Variants in ADAMTSL1 observed in about 807,000 individuals in gnomAD.
ADAMTSL1 encodes ADAMTS like 1, also known as ADAMTS-like protein 1.
Under a neutral mutation model 201.8 loss-of-function variants are expected in ADAMTSL1, and 126 were observed. That is an observed-to-expected ratio of 0.62 (90% CI 0.54 to 0.72). The LOEUF (loss-of-function observed/expected upper bound fraction) is 0.72. ADAMTSL1 is among the 30% of genes least tolerant of loss of function. The probability of loss-of-function intolerance (pLI) is 0.00; values close to 1 mark genes in which losing one functional copy is unlikely to be tolerated. For missense variants in ADAMTSL1, 2,679 were observed against 2,277.8 expected, an observed-to-expected ratio of 1.18 and a Z score of -3.59; for synonymous variants, 1,121 against 903.4, an observed-to-expected ratio of 1.24 and a Z score of -4.32.
chr9:18,484,701 G>A (rs1379104005), intron 1 of ADAMTSL1, among the ~76,000 whole-genome samples: 1 of 152,158 alleles, frequency 6.6e-6, no homozygotes, highest in African/African-American at 2.4e-5. Flanking sequence ...TCAGTTTGCT[G>A]GTGCTGGGAC....
chr9:18,319,526 A>G (rs889589778), intron 2 of ADAMTSL1, among the ~76,000 whole-genome samples: 12 of 152,202 alleles, frequency 7.9e-5, no homozygotes, highest in African/African-American at 2.9e-4. Flanking sequence ...GACTCTCCCT[A>G]GATAACTACG....
intron 2 of ADAMTSL1, among the ~76,000 whole-genome samples, chr9:18,187,504 T>C (rs531032885): frequency 2.0e-5 from 3 of 152,114 alleles, no homozygotes; most frequent in Non-Finnish European, 2.9e-5. Context: ...GTAATGTGTA[T>C]AATGTGGTCC....
intron 1 of ADAMTSL1, among the ~76,000 whole-genome samples, chr9:17,935,809 C>G (rs1563905895): frequency 6.6e-6 from 1 of 152,200 alleles, no homozygotes; most frequent in Non-Finnish European, 1.5e-5. Context: ...GTCTCAACTT[C>G]TGCTTTTATC....
chr9:18,760,452 T>G (rs1248225588), intron 16 of ADAMTSL1, among the ~76,000 whole-genome samples: 1 of 152,188 alleles, frequency 6.6e-6, no homozygotes, highest in Non-Finnish European at 1.5e-5. Context: ...AAATATGCAC[T>G]GAGAACCCCT....
At chr9:18,162,410 A>C (rs916859944) in intron 1 of ADAMTSL1, among the ~76,000 whole-genome samples, 8 of 152,114 alleles carry the variant, frequency 5.3e-5, no homozygotes, top group African/African-American at 1.9e-4. Flanking sequence ...ACATCTGCAA[A>C]GTCCTTTTGG....
chr9:18,030,474 C>A (rs567463293), intron 1 of ADAMTSL1, among the ~76,000 whole-genome samples: 107 of 152,114 alleles, frequency 7.0e-4, no homozygotes, highest in African/African-American at 2.4e-3. Flanking sequence ...ATGGGTGCAG[C>A]ACACCAGCAT....
At chr9:17,908,446 C>T (rs72695907) in intron 1 of ADAMTSL1, among the ~76,000 whole-genome samples, 3,194 of 152,032 alleles carry the variant, frequency 0.021, 59 homozygotes, top group Non-Finnish European at 0.035. Flanking sequence ...CAAAAATGAC[C>T]TGCCTTAATG....
chr9:18,501,393 C>G (rs1338127827), intron 1 of ADAMTSL1, among the ~76,000 whole-genome samples: 1 of 151,500 alleles, frequency 6.6e-6, no homozygotes. Flanking sequence ...CACCTGTAGT[C>G]CCAGCTACTC....
chr9:18,110,146 C>G (rs922464799), intron 1 of ADAMTSL1, among the ~76,000 whole-genome samples: 1 of 152,150 alleles, frequency 6.6e-6, no homozygotes, highest in South Asian at 2.1e-4. Flanking sequence ...CAGTTTTCCT[C>G]TAATTGCATT....
In ADAMTSL1 at chr9:18,788,780, CTT is replaced by C. The variant is rs1469649292; in HGVS notation, c.3678-6615_3678-6614del. ...TTGGGGCTAATGTTATTTGCACAAA[CTT>C]TGCTTACTTGCTCCTGAGTTCACTG... On this transcript the variant is annotated intron_variant, in intron 19 of 28. Transcript: ENST00000380548. Among the ~76,000 whole-genome samples, 4 of 152,148 alleles carry C rather than the reference CTT, an allele frequency of 2.6e-5. No homozygotes were observed. The East Asian group carries it at 5.8e-4, about 22-fold the overall frequency.
intron 2 of ADAMTSL1, among the ~76,000 whole-genome samples, chr9:18,220,053 T>C (rs907043577): frequency 6.6e-6 from 1 of 152,186 alleles, no homozygotes; most frequent in Non-Finnish European, 1.5e-5. Context: ...AGTATGATTT[T>C]ATTGGGGGTG....
chr9:18,761,446 T>C (rs1820066813), intron 16 of ADAMTSL1, among the ~76,000 whole-genome samples: 1 of 152,206 alleles, frequency 6.6e-6, no homozygotes, highest in South Asian at 2.1e-4. Context: ...GAAACGTGTA[T>C]GGCAGCTGGT....
chr9:18,894,319 G>A (rs1477047394), intron 26 of ADAMTSL1, among the ~76,000 whole-genome samples: 3 of 149,028 alleles, frequency 2.0e-5, no homozygotes, highest in African/African-American at 7.4e-5. Flanking sequence ...CACTACTCCA[G>A]CCTGGGTGAC....
intron 2 of ADAMTSL1, among the ~76,000 whole-genome samples, chr9:18,412,754 T>C (rs1189659734): frequency 1.3e-5 from 2 of 152,210 alleles, no homozygotes; most frequent in East Asian, 1.9e-4. Context: ...CTATTTCCTT[T>C]TGACATAATT....
rs571493953 is a variant in ADAMTSL1, at chr9:18,526,056, A to T, written c.192-7191A>T. Reference sequence around the variant, plus strand: ...TGACAGTGGGGTGTTAAAGCCTCCCATTATTATTGTGTGGGAGTCTAAGTC... The same window carrying T: ...TGACAGTGGGGTGTTAAAGCCTCCCTTTATTATTGTGTGGGAGTCTAAGTC... On this transcript the variant is annotated intron_variant, in intron 2 of 28. Transcript: ENST00000380548. Among the ~76,000 whole-genome samples, 521 of 152,242 alleles carry T rather than the reference A, an allele frequency of 3.4e-3. 1 individual carries two copies. Among genetic ancestry groups the T allele is most frequent in the African/African-American group, 0.012 (488 of 41,552 alleles).
intron 1 of ADAMTSL1, among the ~76,000 whole-genome samples, chr9:18,502,088 ACT>A (rs1196630539): frequency 6.6e-6 from 1 of 152,150 alleles, no homozygotes; most frequent in Non-Finnish European, 1.5e-5. Context: ...CCAGAGGGAA[ACT>A]CTCCAAGGAT....
At chr9:18,360,264 G>T (rs1836459333) in intron 2 of ADAMTSL1, among the ~76,000 whole-genome samples, 1 of 152,078 alleles carries the variant, frequency 6.6e-6, no homozygotes, top group African/African-American at 2.4e-5. Flanking sequence ...AAAGATAAAG[G>T]AATAGTAACT....
chr9:18,242,861 G>C (rs1831121515), intron 2 of ADAMTSL1, among the ~76,000 whole-genome samples: 1 of 151,990 alleles, frequency 6.6e-6, no homozygotes, highest in Non-Finnish European at 1.5e-5. Context: ...TAAATTAATG[G>C]ATTGATATCT....
intron 1 of ADAMTSL1, among the ~76,000 whole-genome samples, chr9:18,483,311 A>T (rs1353415336): frequency 6.6e-6 from 1 of 152,216 alleles, no homozygotes; most frequent in Non-Finnish European, 1.5e-5. Context: ...TATCACGAGC[A>T]TCTAGTACAT....
Sources: allele counts gnomAD v4.1 joint callset (sites outside exome capture counted in the v4.1 genomes callset), GRCh38; gene constraint gnomAD v4.1.1; transcripts MANE v1.5; gene names NCBI Gene and HGNC (gene_info 2026-07-23, HGNC 2026-07-21).